The following RMDN2 variants were observed in gnomAD, a reference collection of about 807,000 sequenced individuals.
RMDN2 encodes the protein regulator of microtubule dynamics 2.
Under a neutral mutation model 52.8 loss-of-function variants are expected in RMDN2, and 61 were observed. The ratio of observed to expected loss-of-function variants is 1.16; its 90% CI spans 0.94 to 1.43. RMDN2 has a LOEUF of 1.43. RMDN2 is among the 40% of genes most tolerant of loss of function. RMDN2 has a pLI of 0.00. For synonymous variants in RMDN2, 180 were observed against 153.1 expected, an observed-to-expected ratio of 1.18 and a Z score of -1.30; for missense variants, 592 against 475.3, an observed-to-expected ratio of 1.25 and a Z score of -2.28.
In RMDN2 at chr2:38,012,527, C is replaced by G; in HGVS notation, c.1180-4659C>G. ...AGGACTCCTAATGAATGTAAGAAGG[C>G]TAGACATTGGAAGTATTTCTGTAAT... On this transcript the variant is annotated intron_variant, in intron 10 of 10. Transcript: ENST00000354545. 1.1e-5 allele frequency: 5 copies of G among 449,154 alleles called. No homozygotes were observed. In the Admixed American group the frequency reaches 1.3e-4, roughly 12 times the overall value. 27.8% of individuals were successfully genotyped at this position (449,154 alleles called of 1,614,324 possible).
In RMDN2 at chr2:38,003,981, C is replaced by G. The variant is rs1376452539; in HGVS notation, c.1045-10C>G. ...CCCTGTTATTCTCTCATGTTTTTCT[C>G]TCAAATCAGGCTGAAGAACTATGCC... On this transcript the variant is annotated splice_polypyrimidine_tract_variant and intron_variant, in intron 8 of 10. Transcript: ENST00000354545. 1.9e-6 allele frequency: 3 copies of G among 1,606,842 alleles called. No individual in the cohort carries two copies. Among genetic ancestry groups the G allele is most frequent in the Admixed American group, 3.3e-5 (2 of 59,988 alleles).
chr2:37,939,925 T>C (rs749401681), intron 2 of RMDN2, among the ~76,000 whole-genome samples: 1 of 152,218 alleles, frequency 6.6e-6, no homozygotes, highest in Non-Finnish European at 1.5e-5. Context: ...CCTGTCCTTA[T>C]GATGCTAGCT....
intron 2 of RMDN2, among the ~76,000 whole-genome samples, chr2:37,938,808 C>G (rs1179749720): frequency 2.6e-5 from 4 of 152,184 alleles, no homozygotes; most frequent in South Asian, 2.1e-4. Context: ...ATTAATCTGG[C>G]TAGCGGTCTA....
downstream of RMDN2, among the ~76,000 whole-genome samples, chr2:38,020,117 C>G (rs1679232108): frequency 6.6e-6 from 1 of 152,090 alleles, no homozygotes; most frequent in Non-Finnish European, 1.5e-5. Context: ...CAATTTTTCC[C>G]TGGATCCGCG....
chr2:38,002,072 G>T (rs1442834672), intron 8 of RMDN2, among the ~76,000 whole-genome samples: 1 of 152,214 alleles, frequency 6.6e-6, no homozygotes, highest in Middle Eastern at 3.2e-3. Flanking sequence ...CCTAGTAGGA[G>T]ATTTTTGTCC....
chr2:37,921,436 C>T (rs1385714752), upstream of RMDN2, among the ~76,000 whole-genome samples: 2 of 152,166 alleles, frequency 1.3e-5, no homozygotes, highest in Admixed American at 6.5e-5. Context: ...CTATTCCTAG[C>T]CTAACCTGAA....
chr2:37,976,975 C>A (rs904462924), intron 4 of RMDN2, among the ~76,000 whole-genome samples: 1 of 152,034 alleles, frequency 6.6e-6, no homozygotes, highest in South Asian at 2.1e-4. Flanking sequence ...TCTGGTTTTC[C>A]TAGGCAGAGG....
intron 10 of RMDN2, among the ~76,000 whole-genome samples, chr2:38,056,733 C>T (rs1324802543): frequency 6.6e-6 from 1 of 152,228 alleles, no homozygotes; most frequent in South Asian, 2.1e-4. Context: ...TTATGACATA[C>T]CCCTAAATGA....
chr2:37,950,640 A>G (rs758521286), intron 2 of RMDN2: 136 of 1,594,468 alleles, frequency 8.5e-5, no homozygotes, highest in Non-Finnish European at 1.1e-4. Flanking sequence ...AAGAACATTG[A>G]AAATATTCAT....
chr2:38,012,551 A>G, intron 10 of RMDN2: 1 of 462,854 alleles, frequency 2.2e-6, no homozygotes, highest in Admixed American at 2.5e-5. Context: ...TATTTCTGTA[A>G]TAAGCAAAAT....
At chr2:38,021,355 C>G (rs535786304), downstream of RMDN2, among the ~76,000 whole-genome samples, 6 of 152,232 alleles carry the variant, frequency 3.9e-5, no homozygotes, top group South Asian at 4.2e-4. Flanking sequence ...AAAAGGCTGC[C>G]GGAACCAGCA....
intron 2 of RMDN2, among the ~76,000 whole-genome samples, chr2:37,963,890 G>A (rs1317519772): frequency 1.1e-4 from 15 of 134,740 alleles, no homozygotes; most frequent in African/African-American, 2.0e-4. Context: ...CAGCAGGGGC[G>A]GCGGGGCAGA....
At chr2:38,026,770 T>C (rs56798513) in intron 10 of RMDN2, among the ~76,000 whole-genome samples, 13,186 of 152,198 alleles carry the variant, frequency 0.087, 682 homozygotes, top group African/African-American at 0.13. Context: ...TCCTTTCTAC[T>C]ATAAGCATTT....
chr2:38,027,839 C>T (rs551995817), intron 10 of RMDN2, among the ~76,000 whole-genome samples: 1 of 152,206 alleles, frequency 6.6e-6, no homozygotes, highest in African/African-American at 2.4e-5. Flanking sequence ...TTATTAATGC[C>T]ACAAAACTGT....
At chr2:38,062,452 T>C (rs1001380624) in intron 10 of RMDN2, among the ~76,000 whole-genome samples, 1 of 152,188 alleles carries the variant, frequency 6.6e-6, no homozygotes, top group African/African-American at 2.4e-5. Context: ...ATGTAACAGA[T>C]TTTGTATAAC....
intron 10 of RMDN2, among the ~76,000 whole-genome samples, chr2:38,044,072 C>G (rs1681122877): frequency 6.6e-6 from 1 of 151,982 alleles, no homozygotes; most frequent in African/African-American, 2.4e-5. Flanking sequence ...AAATATTTTA[C>G]TGACCTGCCT....
At chr2:37,952,033 GA>G in intron 2 of RMDN2, 1 of 1,613,432 alleles carries the variant, frequency 6.2e-7, no homozygotes, top group Non-Finnish European at 8.5e-7. Context: ...TCTCAAAGTG[GA>G]ACTTTCCCAT....
At chr2:37,983,936 C>T (rs1017810349) in intron 5 of RMDN2, among the ~76,000 whole-genome samples, 3 of 152,110 alleles carry the variant, frequency 2.0e-5, no homozygotes, top group African/African-American at 7.2e-5. Flanking sequence ...GGCATTTTTG[C>T]ACAGCAGCAG....
chr2:38,042,225 T>C (rs1032405233), intron 10 of RMDN2, among the ~76,000 whole-genome samples: 1 of 152,182 alleles, frequency 6.6e-6, no homozygotes, highest in African/African-American at 2.4e-5. Context: ...TTATCAAATG[T>C]GTAGGCAGAA....
Sources: gnomAD v4.1 joint callset for allele counts (sites outside exome capture counted in the v4.1 genomes callset) on GRCh38, gnomAD v4.1.1 for gene constraint, MANE v1.5 for transcripts, NCBI Gene and HGNC (gene_info 2026-07-23, HGNC 2026-07-21) for gene names.